The following PTPRK variants were observed in gnomAD, a reference collection of about 807,000 sequenced individuals.
The protein encoded by PTPRK is receptor-type tyrosine-protein phosphatase kappa.
In PTPRK, 75 loss-of-function variants were observed where a neutral mutation model predicts 178.0. That is an observed-to-expected ratio of 0.42 (90% CI 0.35 to 0.51). The LOEUF (loss-of-function observed/expected upper bound fraction) is 0.51. Among genes scored for constraint, PTPRK ranks in the 20% least tolerant of loss-of-function variants. The pLI, the probability that PTPRK is intolerant of heterozygous loss-of-function variation, is 0.02. For missense variants in PTPRK, 1,441 were observed against 1,797.8 expected (o/e 0.80, Z 3.59); for synonymous variants, 637 against 620.6 (o/e 1.03, Z -0.39).
chr6:128,173,079 G>A (rs971801793), intron 7 of PTPRK, among the ~76,000 whole-genome samples: 9 of 151,944 alleles, frequency 5.9e-5, no homozygotes, highest in African/African-American at 2.2e-4. Context: ...AAGTATGCCT[G>A]GGATTGGATG....
At chr6:128,433,713 C>T (rs1374707795) in intron 1 of PTPRK, among the ~76,000 whole-genome samples, 5 of 151,684 alleles carry the variant, frequency 3.3e-5, no homozygotes, top group Non-Finnish European at 5.9e-5. Context: ...GACAGGGTTT[C>T]GCCATGTTGC....
At chr6:128,127,634 G>GA (rs1241465659) in intron 7 of PTPRK, among the ~76,000 whole-genome samples, 1 of 152,188 alleles carries the variant, frequency 6.6e-6, no homozygotes, top group Non-Finnish European at 1.5e-5. Context: ...TACCTGTAGG[G>GA]AGAGTGTCTT....
At chr6:128,042,294 C>A (rs1041233388) in intron 13 of PTPRK, among the ~76,000 whole-genome samples, 3 of 151,966 alleles carry the variant, frequency 2.0e-5, no homozygotes, top group African/African-American at 7.2e-5. Context: ...AGTGCTATAA[C>A]AAGTTATAGC....
intron 7 of PTPRK, among the ~76,000 whole-genome samples, chr6:128,099,194 A>T (rs181233676): frequency 0.051 from 7,625 of 149,906 alleles, 250 homozygotes; most frequent in East Asian, 0.12. Flanking sequence ...ATATATATAT[A>T]TATTTTTTCT....
intron 1 of PTPRK, among the ~76,000 whole-genome samples, chr6:128,416,037 T>C (rs1028528256): frequency 2.0e-5 from 3 of 152,096 alleles, no homozygotes; most frequent in African/African-American, 7.2e-5. Flanking sequence ...CTACACTCAA[T>C]CTGGGGAATA....
intron 7 of PTPRK, among the ~76,000 whole-genome samples, chr6:128,151,810 C>G (rs2114562424): frequency 6.6e-6 from 1 of 151,866 alleles, no homozygotes; most frequent in South Asian, 2.1e-4. Flanking sequence ...TGAGTAAATA[C>G]TATAGAGGCA....
At chr6:128,221,272 C>G (rs931769760) in intron 5 of PTPRK, among the ~76,000 whole-genome samples, 2 of 151,984 alleles carry the variant, frequency 1.3e-5, no homozygotes, top group African/African-American at 4.8e-5. Context: ...CGCCTGTAAT[C>G]CCAGCACTTT....
At chr6:128,425,402 C>T (rs1453966037) in intron 1 of PTPRK, among the ~76,000 whole-genome samples, 1 of 151,942 alleles carries the variant, frequency 6.6e-6, no homozygotes, top group Non-Finnish European at 1.5e-5. Context: ...TTATCCCTCA[C>T]AACCCCTCAC....
chr6:128,432,685 GA>G (rs1844989071), intron 1 of PTPRK, among the ~76,000 whole-genome samples: 1 of 151,650 alleles, frequency 6.6e-6, no homozygotes, highest in African/African-American at 2.4e-5. Context: ...ACACAGGTAT[GA>G]AGTACAAAGT....
chr6:128,020,883 G>A (rs963395385), intron 13 of PTPRK, among the ~76,000 whole-genome samples: 1 of 151,972 alleles, frequency 6.6e-6, no homozygotes, highest in Non-Finnish European at 1.5e-5. Flanking sequence ...TCCTTAATCT[G>A]GCATATCTCA....
chr6:128,504,880 T>C (rs536933775), intron 1 of PTPRK, among the ~76,000 whole-genome samples: 1 of 152,310 alleles, frequency 6.6e-6, no homozygotes, highest in South Asian at 2.1e-4. Context: ...CAGTATCCTT[T>C]AGGTATTATT....
chr6:128,169,231 T>A (rs1214797777), intron 7 of PTPRK, among the ~76,000 whole-genome samples: 1 of 152,130 alleles, frequency 6.6e-6, no homozygotes, highest in Non-Finnish European at 1.5e-5. Context: ...TACAAAAGGA[T>A]AACTATGGAA....
chr6:128,302,855 C>T (rs1330537978), intron 3 of PTPRK, among the ~76,000 whole-genome samples: 1 of 152,026 alleles, frequency 6.6e-6, no homozygotes. Flanking sequence ...TTTCTCCTAA[C>T]CCTTAAATAT....
At chr6:127,986,697 T>C (rs1776018289) in intron 21 of PTPRK, among the ~76,000 whole-genome samples, 1 of 152,188 alleles carries the variant, frequency 6.6e-6, no homozygotes, top group Non-Finnish European at 1.5e-5. Flanking sequence ...AATCCCACTA[T>C]AATCTATATA....
chr6:128,203,812 C>G (rs1318907709), intron 6 of PTPRK, among the ~76,000 whole-genome samples: 2 of 152,054 alleles, frequency 1.3e-5, no homozygotes, highest in African/African-American at 4.8e-5. Flanking sequence ...TGCTCATGGA[C>G]AGGAAGAATC....
chr6:128,152,743 C>CCA (rs1797448105), intron 7 of PTPRK, among the ~76,000 whole-genome samples: 1 of 151,718 alleles, frequency 6.6e-6, no homozygotes, highest in African/African-American at 2.4e-5. Context: ...AAAAGCAGAC[C>CCA]CACGTGGCAA....
Position 128,503,180 on chromosome 6 carries a change from C to T in PTPRK, c.100+17079G>A, listed in dbSNP as rs548765382. ...GGCAGAGGTTGCAGTGAGCCGAGAT[C>T]GCGCCACTGCACTCCAGCCTAGGCA... On this transcript the variant is annotated intron_variant, in intron 1 of 29. Transcript: ENST00000368226. Among the ~76,000 whole-genome samples the T allele has an allele frequency of 5.9e-5, 9 of 152,278 alleles. No homozygotes were observed. In the South Asian group the frequency reaches 1.9e-3, roughly 32 times the overall value.
intron 6 of PTPRK, among the ~76,000 whole-genome samples, chr6:128,190,384 A>G (rs1803555442): frequency 6.6e-6 from 1 of 152,014 alleles, no homozygotes; most frequent in Admixed American, 6.6e-5. Context: ...TTTTAATCTA[A>G]ATTACTATTA....
rs761446362 is a variant in PTPRK at position 128,082,588 on chromosome 6, T to A, written c.1626A>T (p.Gly542=). 1 of 1,612,386 alleles carries A rather than the reference T, an allele frequency of 6.2e-7. No homozygotes were observed. Among genetic ancestry groups the A allele is most frequent in the South Asian group, 1.1e-5 (1 of 91,014 alleles). Residue 542 remains glycine (G), a synonymous_variant, in exon 10 of 30, where the codon GGA becomes GGT. Transcript: ENST00000368226. ...ATAAATTTGATACAGTCTGGGGAGG[T>A]CCAGCCACTGGAACTGCAGGATCAA... The part of the protein sequence containing the change: ...RSFDPAVPVA[G]PPQTVSNLWN...
Sources: gnomAD v4.1 joint callset for allele counts (sites outside exome capture counted in the v4.1 genomes callset) on GRCh38, gnomAD v4.1.1 for gene constraint, MANE v1.5 for transcripts, NCBI Gene and HGNC (gene_info 2026-07-23, HGNC 2026-07-21) for gene names.